AADACL2: variants seen among roughly 807,000 people sequenced by gnomAD.
The protein encoded by AADACL2 is arylacetamide deacetylase like 2, also known as arylacetamide deacetylase-like 2.
Under a neutral mutation model 22.3 loss-of-function variants are expected in AADACL2, and 23 were observed. That is an observed-to-expected ratio of 1.03 (90% CI 0.74 to 1.46). The LOEUF is 1.46. Ranked by LOEUF, AADACL2 falls within the 40% of genes most tolerant of loss-of-function variation. The probability of loss-of-function intolerance (pLI) is 0.00; values close to 1 mark genes in which losing one functional copy is unlikely to be tolerated. For missense variants in AADACL2, 472 were observed against 482.9 expected (o/e 0.98, Z 0.21); for synonymous variants, 177 against 166.2 (o/e 1.07, Z -0.50).
intron 4 of AADACL2, among the ~76,000 whole-genome samples, chr3:151,747,778 T>C (rs1713506330): frequency 6.6e-6 from 1 of 152,158 alleles, no homozygotes; most frequent in African/African-American, 2.4e-5. Context: ...ACTGACTTTG[T>C]TTCCTTTGGA....
chr3:151,744,739 T>C lies in AADACL2; in HGVS notation c.431+577T>C, dbSNP rs560318149. On this transcript the variant is annotated intron_variant, in intron 3 of 4. Transcript: ENST00000356517. ...TACAAATTACTTAGAGTTTTCTAGA[T>C]AGTTTATAATAAAATTCTAAGAACC... is the stretch of plus-strand genomic sequence containing the variant. 4.6e-5 allele frequency among the ~76,000 whole-genome samples: 7 copies of C among 152,268 alleles called. No individual in the cohort carries two copies. The South Asian group carries it at 1.0e-3, about 23-fold the overall frequency.
At chr3:151,753,710 T>A (rs1381136904) in intron 4 of AADACL2, among the ~76,000 whole-genome samples, 2 of 152,140 alleles carry the variant, frequency 1.3e-5, no homozygotes, top group Non-Finnish European at 2.9e-5. Flanking sequence ...ACTCCTCAAA[T>A]AACAAGTTAA....
rs571976056 is a variant in AADACL2 at position 151,756,790 on chromosome 3, A to G, written c.604-202A>G. ...CCTTTTTTCCTCACACAAAAAATCA[A>G]TATTTTTTAAAACCTTAAATTTAAA... On this transcript the variant is annotated intron_variant, in intron 4 of 4. Coordinates refer to ENST00000356517, the MANE Select transcript of AADACL2 (RefSeq NM_207365.4). Among the ~76,000 whole-genome samples the G allele has an allele frequency of 1.1e-4, 16 of 151,830 alleles. 1 individual carries two copies. Among genetic ancestry groups the G allele is most frequent in the Middle Eastern group, 6.8e-3 (2 of 294 alleles).
intron 1 of AADACL2, among the ~76,000 whole-genome samples, chr3:151,740,429 T>G (rs570292538): frequency 1.1e-4 from 17 of 152,334 alleles, no homozygotes; most frequent in African/African-American, 3.8e-4. Context: ...CCGGAGCTGT[T>G]CCTATTCGGC....
intron 3 of AADACL2, among the ~76,000 whole-genome samples, chr3:151,744,764 C>T (rs983722857): frequency 6.6e-6 from 1 of 151,892 alleles, no homozygotes; most frequent in Admixed American, 6.6e-5. Context: ...TTCTAAGAAC[C>T]CTATTACCAA....
At position 151,742,884 on chromosome 3, in the gene AADACL2, C is replaced by T. The variant is rs116788659; in HGVS notation, c.362-1209C>T. On this transcript the variant is annotated intron_variant, in intron 2 of 4. Transcript: ENST00000356517. ...GAATCCTTTATTTACATATATATAC[C>T]TGATTGTGATTGAGGGATGCCAGCT... 4.0e-3 allele frequency among the ~76,000 whole-genome samples: 613 copies of T among 152,180 alleles called. 6 individuals are homozygous for T. Among genetic ancestry groups the T allele is most frequent in the African/African-American group, 0.014 (587 of 41,524 alleles).
At chr3:151,738,285 T>C (rs1168352333) in intron 1 of AADACL2, among the ~76,000 whole-genome samples, 1 of 152,226 alleles carries the variant, frequency 6.6e-6, no homozygotes, top group African/African-American at 2.4e-5. Context: ...AAATTCTGGG[T>C]TGAAAATTCT....
Position 151,757,222 on chromosome 3 carries a change from T to A in AADACL2, c.834T>A (p.Phe278Leu). 6.2e-7 allele frequency: 1 copy of A among 1,613,700 alleles called. No homozygotes were observed. The highest frequency in any genetic ancestry group is 1.6e-4 in the Middle Eastern group (1 of 6,062). The change falls in exon 5 of 5, where the codon TTT (phenylalanine) becomes TTA (leucine). Residue 278 changes from phenylalanine to leucine, a missense_variant. Transcript: ENST00000356517. Reference protein sequence around the residue: ...QHMPLESRHLFKFVNWSILLP... With the variant: ...QHMPLESRHLLKFVNWSILLP... ...TGCCTCTGGAGTCAAGACATCTGTT[T>A]AAGTTTGTTAACTGGAGTATTCTTC...
intron 1 of AADACL2, among the ~76,000 whole-genome samples, chr3:151,737,263 T>A (rs1263101006): frequency 6.6e-6 from 1 of 152,168 alleles, no homozygotes; most frequent in Non-Finnish European, 1.5e-5. Flanking sequence ...CATGTAGTTC[T>A]GAGATTTTGA....
chr3:151,744,871 T>C (rs1713387692), intron 3 of AADACL2, among the ~76,000 whole-genome samples: 1 of 152,114 alleles, frequency 6.6e-6, no homozygotes, highest in Non-Finnish European at 1.5e-5. Flanking sequence ...TTTTCCTGTC[T>C]TACTGTTCTA....
Position 151,745,540 on chromosome 3 carries a change from G to A in AADACL2, c.463G>A (p.Ala155Thr). The change falls in exon 4 of 5, where the codon GCT becomes ACT. Residue 155 changes from alanine (A) to threonine (T), a missense_variant. By Grantham distance (58) the Ala-to-Thr change is moderately conservative. Around this residue, in one of 3 missense-constraint regions of AADACL2, gnomAD observed 356 missense variants for 365.5 expected, o/e 0.97. Transcript: ENST00000356517. ...GCTGGCTCCTCAACACCACTTTCCT[G>A]CTCAGTTTGAAGATGGCCTTGCTGC... ...YRLAPQHHFP[A>T]QFEDGLAAVK... 6.2e-7 allele frequency: 1 copy of A among 1,613,502 alleles called. No individual in the cohort carries two copies. Among genetic ancestry groups the A allele is most frequent in the Non-Finnish European group, 8.5e-7 (1 of 1,179,734 alleles).
At chr3:151,743,423 A>ATG (rs960992353) in intron 2 of AADACL2, among the ~76,000 whole-genome samples, 100 of 151,638 alleles carry the variant, frequency 6.6e-4, no homozygotes, top group African/African-American at 2.0e-3. Flanking sequence ...CTGGGGAAAG[A>ATG]TGTGTGTGTG....
rs1714074869 is a variant in AADACL2 at position 151,759,487 on chromosome 3, G to A, written c.*1893G>A. 2.0e-5 allele frequency: 3 copies of A among 152,138 alleles called. No individual in the cohort carries two copies. Among genetic ancestry groups the A allele is most frequent in the South Asian group, 4.1e-4 (2 of 4,836 alleles). The allele number at this position is 152,138 out of a possible 1,614,324, so 9.4% of individuals were successfully genotyped here. A position where few individuals can be genotyped will look rare whatever the true frequency, so the allele number is the denominator to read the frequency against. On this transcript the variant is annotated 3_prime_UTR_variant, in exon 5 of 5. Coordinates refer to ENST00000356517, the MANE Select transcript of AADACL2 (RefSeq NM_207365.4). ...AATTTTGTAAGCACTACACTAGTGT[G>A]TCATGTCACTAGTATGTACTTTCAA... is the stretch of plus-strand genomic sequence containing the variant.
At chr3:151,739,677 T>C (rs549160075) in intron 1 of AADACL2, among the ~76,000 whole-genome samples, 1 of 152,296 alleles carries the variant, frequency 6.6e-6, no homozygotes, top group African/African-American at 2.4e-5. Context: ...AGCCTCTGAC[T>C]AGGGCTGCTG....
intron 1 of AADACL2, among the ~76,000 whole-genome samples, chr3:151,737,325 CTTTTT>C (rs774582057): frequency 2.0e-5 from 3 of 146,416 alleles, no homozygotes; most frequent in Non-Finnish European, 4.6e-5. Context: ...GTCCGAGAGA[CTTTTT>C]TTTTTTAATT....
rs745933693 is a variant in AADACL2 at position 151,733,987 on chromosome 3, T to C, written c.-49T>C. 5 of 1,530,772 alleles carry C rather than the reference T, an allele frequency of 3.3e-6. No homozygotes were observed. In the African/African-American group the frequency reaches 7.0e-5, roughly 21 times the overall value. 94.8% of individuals were successfully genotyped at this position (1,530,772 alleles called of 1,614,324 possible). Reference sequence around the variant, plus strand: ...TCTACTAGTTACTATTCAGTGTTTGTGAAAAATTTTAATCTCAGTACTGTG... The same window carrying C: ...TCTACTAGTTACTATTCAGTGTTTGCGAAAAATTTTAATCTCAGTACTGTG... On this transcript the variant is annotated 5_prime_UTR_variant, in exon 1 of 5. Coordinates refer to ENST00000356517, the MANE Select transcript of AADACL2 (RefSeq NM_207365.4).
In AADACL2 at chr3:151,758,790, A is replaced by T. The variant is rs566083691; in HGVS notation, c.*1196A>T. ...TATTAAGCATAGTCAGTTGAATCCA[A>T]CTAAGAAGTTAAAAATGTAGTAAGA... On this transcript the variant is annotated 3_prime_UTR_variant, in exon 5 of 5. Coordinates refer to ENST00000356517, the MANE Select transcript of AADACL2 (RefSeq NM_207365.4). The T allele has an allele frequency of 1.3e-5, 2 of 152,232 alleles. No homozygotes were observed. The highest frequency in any genetic ancestry group is 2.1e-4 in the South Asian group (1 of 4,830). 9.4% of individuals were successfully genotyped at this position (152,232 alleles called of 1,614,324 possible). A position where few individuals can be genotyped will look rare whatever the true frequency, so the allele number is the denominator to read the frequency against.
intron 4 of AADACL2, among the ~76,000 whole-genome samples, chr3:151,752,302 C>G (rs1028586920): frequency 6.6e-6 from 1 of 152,138 alleles, no homozygotes; most frequent in African/African-American, 2.4e-5. Context: ...AAAAATGACT[C>G]ATCTGTTTCA....
chr3:151,749,797 C>T (rs1420778488), intron 4 of AADACL2, among the ~76,000 whole-genome samples: 2 of 152,062 alleles, frequency 1.3e-5, no homozygotes, highest in African/African-American at 4.8e-5. Flanking sequence ...TTTTTTACTT[C>T]TTTCTCATTT....
Sources: allele counts gnomAD v4.1 joint callset (sites outside exome capture counted in the v4.1 genomes callset), GRCh38; gene constraint gnomAD v4.1.1; regional missense constraint gnomAD v4.1.1; transcripts MANE v1.5; gene names NCBI Gene and HGNC (gene_info 2026-07-23, HGNC 2026-07-21).